Variants in MZT1 observed in about 807,000 individuals in gnomAD.
The protein encoded by MZT1 is mitotic spindle organizing protein 1, also known as mitotic-spindle organizing protein 1.
A neutral mutation model predicts 8.5 loss-of-function variants in MZT1; 8 were observed. The observed-to-expected ratio is 0.94, with a 90% CI of 0.55 to 1.70. The LOEUF is 1.70. Ranked by LOEUF, MZT1 falls within the 40% of genes most tolerant of loss-of-function variation. The pLI is 0.00. For missense variants in MZT1, 93 were observed against 108.6 expected (o/e 0.86, Z 0.64); for synonymous variants, 38 against 42.0 (o/e 0.90, Z 0.37).
At chr13:72,715,026 G>C (rs545193685) in intron 2 of MZT1, among the ~76,000 whole-genome samples, 35 of 152,334 alleles carry the variant, frequency 2.3e-4, no homozygotes, top group African/African-American at 7.5e-4. Context: ...CTGACAGCTT[G>C]TACCCTGAGC....
rs551626725 is a variant in MZT1, at chr13:72,708,524, G to A, written c.*1798C>T. ...CTTTAAAGAAGTCCTCTGTAAACACGATCCCTTCTCAATATATTTTCCTGC... is the reference window on the plus strand; with the variant it reads ...CTTTAAAGAAGTCCTCTGTAAACACAATCCCTTCTCAATATATTTTCCTGC... On this transcript the variant is annotated 3_prime_UTR_variant, in exon 3 of 3. Coordinates refer to ENST00000377818, the MANE Select transcript of MZT1 (RefSeq NM_001071775.3). The A allele has an allele frequency of 1.3e-5, 2 of 152,506 alleles. No homozygotes were observed. Among genetic ancestry groups the A allele is most frequent in the East Asian group, 1.9e-4 (1 of 5,172 alleles). The allele number at this position is 152,506 out of a possible 1,614,324, so 9.4% of individuals were successfully genotyped here. A position where few individuals can be genotyped will look rare whatever the true frequency, so the allele number is the denominator to read the frequency against.
rs78120891 is a variant in MZT1, at chr13:72,714,712, G to A, written c.225+4240C>T. Among the ~76,000 whole-genome samples the A allele has an allele frequency of 5.7e-3, 865 of 152,318 alleles. 10 individuals are homozygous for A. The highest frequency in any genetic ancestry group is 0.019 in the African/African-American group (797 of 41,568). ...GTGGCCCAGGTATAGCTTGGGACAC[G>A]GCTTCAGAGGATCCAAGACATAAGC... On this transcript the variant is annotated intron_variant, in intron 2 of 2. Transcript: ENST00000377818.
chr13:72,723,357 G>C (rs1443856063), intron 1 of MZT1, among the ~76,000 whole-genome samples: 1 of 152,148 alleles, frequency 6.6e-6, no homozygotes, highest in Non-Finnish European at 1.5e-5. Flanking sequence ...CATATGATCA[G>C]TACAGGTTGA....
intron 1 of MZT1, among the ~76,000 whole-genome samples, chr13:72,721,171 C>G (rs746809116): frequency 1.2e-4 from 19 of 152,082 alleles, no homozygotes; most frequent in Non-Finnish European, 2.8e-4. Context: ...ATTTCTAATT[C>G]TTGAGCTTTA....
At chr13:72,724,885 C>G (rs1418595063) in intron 1 of MZT1, among the ~76,000 whole-genome samples, 3 of 148,280 alleles carry the variant, frequency 2.0e-5, no homozygotes, top group African/African-American at 2.5e-5. Flanking sequence ...AACCCTGTCT[C>G]TACTAAAAAT....
At chr13:72,722,428 C>CCA (rs1286724136) in intron 1 of MZT1, among the ~76,000 whole-genome samples, 1 of 152,152 alleles carries the variant, frequency 6.6e-6, no homozygotes, top group African/African-American at 2.4e-5. Flanking sequence ...CCTGTTACTA[C>CCA]CACTTTCCCT....
At chr13:72,721,213 A>T (rs1156294730) in intron 1 of MZT1, among the ~76,000 whole-genome samples, 1 of 152,170 alleles carries the variant, frequency 6.6e-6, no homozygotes, top group Non-Finnish European at 1.5e-5. Flanking sequence ...AAATGGTTTG[A>T]TCCTTTCGGA....
intron 2 of MZT1, among the ~76,000 whole-genome samples, chr13:72,711,961 T>C (rs547520681): frequency 5.3e-5 from 8 of 152,314 alleles, no homozygotes; most frequent in Admixed American, 2.0e-4. Context: ...ATTTTTAAAA[T>C]AGCATGATAC....
In MZT1 at chr13:72,727,560, C is replaced by T. The variant is rs1274560324; in HGVS notation, c.43G>A (p.Ala15Thr). The T allele has an allele frequency of 8.1e-6, 13 of 1,603,716 alleles. No individual in the cohort carries two copies. Among genetic ancestry groups the T allele is most frequent in the Non-Finnish European group, 1.1e-5 (13 of 1,174,006 alleles). Residue 15 changes from alanine to threonine, a missense_variant, in exon 1 of 3, where the codon GCG (alanine) becomes ACG (threonine). Physicochemically the swap from Ala to Thr is moderately conservative, Grantham distance 58. Coordinates refer to ENST00000377818, the MANE Select transcript of MZT1 (RefSeq NM_001071775.3). Reference sequence around the variant, plus strand: ...TCCCGCACCGCATTCAGATTCGCCGCCGCGGCCGCCGCCGCCGCCCCAGCA... The same window carrying T: ...TCCCGCACCGCATTCAGATTCGCCGTCGCGGCCGCCGCCGCCGCCCCAGCA... ...SGAGAAAAAA[A>T]ANLNAVRETM...
At chr13:72,717,562 C>A (rs1488622017) in intron 2 of MZT1, among the ~76,000 whole-genome samples, 1 of 152,076 alleles carries the variant, frequency 6.6e-6, no homozygotes, top group African/African-American at 2.4e-5. Flanking sequence ...TGGTTTTGAA[C>A]TCCTGACATC....
intron 1 of MZT1, among the ~76,000 whole-genome samples, chr13:72,720,368 G>A (rs1012702523): frequency 3.3e-5 from 5 of 151,912 alleles, no homozygotes; most frequent in Admixed American, 6.6e-5. Flanking sequence ...TTTATTCTTC[G>A]GATGAACTGA....
intron 1 of MZT1, among the ~76,000 whole-genome samples, chr13:72,722,779 G>T (rs1416197096): frequency 1.3e-5 from 2 of 152,110 alleles, no homozygotes; most frequent in Non-Finnish European, 2.9e-5. Context: ...TTTCTTTTGG[G>T]GGGAAACCTC....
rs150507625 is a variant in MZT1, at chr13:72,712,089, A to G, written c.226-1744T>C. Reference sequence around the variant, plus strand: ...AAATATCTTAAAAGTATAAGGATGCATTACTTTCATAAAAATTATAGAGAT... The same window carrying G: ...AAATATCTTAAAAGTATAAGGATGCGTTACTTTCATAAAAATTATAGAGAT... On this transcript the variant is annotated intron_variant, in intron 2 of 2. Transcript: ENST00000377818. Among the ~76,000 whole-genome samples, 372 of 152,302 alleles carry G rather than the reference A, an allele frequency of 2.4e-3. 2 individuals are homozygous for G. Among genetic ancestry groups the G allele is most frequent in the African/African-American group, 8.6e-3 (356 of 41,554 alleles).
intron 2 of MZT1, 36 bp downstream of exon 2, chr13:72,718,916 A>G (rs1276364828): frequency 6.6e-7 from 1 of 1,522,678 alleles, no homozygotes; most frequent in Non-Finnish European, 8.8e-7. Context: ...AAATAAAAGC[A>G]TCTTTATTTA....
In MZT1 at chr13:72,727,595, C is replaced by G. The variant is rs768769963; in HGVS notation, c.8G>C (p.Ser3Thr). Reference sequence around the variant, plus strand: ...CGCCGCCGCCCCAGCACCGCTGCTACTCGCCATGGCTAAGGCCGAGGGAGG... The same window carrying G: ...CGCCGCCGCCCCAGCACCGCTGCTAGTCGCCATGGCTAAGGCCGAGGGAGG... Reference protein sequence around the residue: MASSSGAGAAAAA... With the variant: MATSSGAGAAAAA... Residue 3 changes from serine to threonine, a missense_variant, in exon 1 of 3, where the codon AGT becomes ACT. Transcript: ENST00000377818. The G allele has an allele frequency of 7.9e-5, 126 of 1,599,618 alleles. No homozygotes were observed. In the Middle Eastern group the frequency reaches 1.2e-3, roughly 15 times the overall value.
chr13:72,718,874 T>C, intron 2 of MZT1, 78 bp downstream of exon 2: 1 of 1,368,358 alleles, frequency 7.3e-7, no homozygotes, highest in East Asian at 2.5e-5. Context: ...AACCAGGATG[T>C]TTCCCATAAC....
intron 1 of MZT1, among the ~76,000 whole-genome samples, chr13:72,725,243 G>T (rs1188858100): frequency 6.6e-6 from 1 of 152,054 alleles, no homozygotes; most frequent in Non-Finnish European, 1.5e-5. Flanking sequence ...GGTTGCGAGG[G>T]GGGTGTTGTT....
At position 72,714,211 on chromosome 13, in the gene MZT1, T is replaced by G. The variant is rs377679032; in HGVS notation, c.226-3866A>C. On this transcript the variant is annotated intron_variant, in intron 2 of 2. Coordinates refer to ENST00000377818, the MANE Select transcript of MZT1 (RefSeq NM_001071775.3). ...CATGTCCTAGGGATCTGTGGAAGTT[T>G]GGACTTGAGAGTGATTTAGGGTATC... 2.5e-4 allele frequency among the ~76,000 whole-genome samples: 38 copies of G among 152,340 alleles called. 1 individual carries two copies. The highest frequency in any genetic ancestry group is 8.4e-4 in the African/African-American group (35 of 41,588).
At chr13:72,719,233 C>A in intron 1 of MZT1, 136 bp from the exon 2 acceptor site, 1 of 603,532 alleles carries the variant, frequency 1.7e-6, no homozygotes, top group Non-Finnish European at 2.5e-6. Flanking sequence ...TGGAAATCTG[C>A]ATGTAATACT....
Sources: allele counts gnomAD v4.1 joint callset (sites outside exome capture counted in the v4.1 genomes callset), GRCh38; gene constraint gnomAD v4.1.1; transcripts MANE v1.5; gene names NCBI Gene and HGNC (gene_info 2026-07-23, HGNC 2026-07-21).